Variants in NEB observed in about 807,000 individuals in gnomAD.
The protein encoded by NEB is nemaline myopathy type 2.
Under a neutral mutation model 952.2 loss-of-function variants are expected in NEB, and 512 were observed. That is an observed-to-expected ratio of 0.54 (90% CI 0.50 to 0.58). The LOEUF is 0.58. Among genes scored for constraint, NEB ranks in the 20% least tolerant of loss-of-function variants. NEB has a pLI of 0.00. For synonymous variants in NEB, 2,900 were observed against 3,149.8 expected (o/e 0.92, Z 2.66); for missense variants, 8,428 against 9,231.1 (o/e 0.91, Z 3.56).
At chr2:151,626,136 CAG>C (rs1232225792) in intron 70 of NEB, among the ~76,000 whole-genome samples, 1 of 147,742 alleles carries the variant, frequency 6.8e-6, no homozygotes, top group Non-Finnish European at 1.5e-5. Flanking sequence ...TTTTATGAGA[CAG>C]AGTTTCACTC....
At position 151,696,720 on chromosome 2, in the gene NEB, G is replaced by A; in HGVS notation, c.1486C>T (p.His496Tyr). The change falls in exon 17 of 182, where the codon CAT becomes TAT. Residue 496 changes from histidine to tyrosine, a missense_variant. His to Tyr is a moderately conservative substitution (Grantham distance 83). Around this residue, in one of 11 missense-constraint regions of NEB, gnomAD observed 2,851 missense variants for 2,791.5 expected, o/e 1.02. Transcript: ENST00000397345. ...TGGGTGAATTTTGTCTTATCTGGAT[G>A]GACTTTGTAGGTGTGCTGTGGGGAA... ...DQCKDHTYKVHPDKTKFTQVT... is the reference protein window; with the variant it reads ...DQCKDHTYKVYPDKTKFTQVT... 6.2e-7 allele frequency: 1 copy of A among 1,613,678 alleles called. No homozygotes were observed. Among genetic ancestry groups the A allele is most frequent in the Non-Finnish European group, 8.5e-7 (1 of 1,179,682 alleles).
At chr2:151,709,609 T>G (rs778475738) in intron 12 of NEB, 47 bp downstream of exon 12, 1 of 1,426,280 alleles carries the variant, frequency 7.0e-7, no homozygotes, top group South Asian at 1.3e-5. Context: ...TATAAGAAAT[T>G]TACCCACACT....
intron 124 of NEB, among the ~76,000 whole-genome samples, chr2:151,555,259 A>C (rs748254970): frequency 1.3e-5 from 2 of 152,342 alleles, no homozygotes; most frequent in South Asian, 4.1e-4. Flanking sequence ...GACTGTATCA[A>C]AAGTACTTTT....
At chr2:151,663,102 C>G (rs1013810728) in intron 45 of NEB, among the ~76,000 whole-genome samples, 3 of 152,298 alleles carry the variant, frequency 2.0e-5, no homozygotes, top group Admixed American at 1.3e-4. Context: ...ATCACCTTCT[C>G]AAAATTTCAT....
rs1220842205 is a variant in NEB, at chr2:151,644,449, A to G, written c.7644+19T>C. The G allele has an allele frequency of 6.3e-7, 1 of 1,584,932 alleles. No individual in the cohort carries two copies. The stretch of plus-strand genomic sequence containing the variant: ...ATAAATTGCAATCAAATCAATATCA[A>G]CAGAGGATAAAATCTTACTTCACTG... On this transcript the variant is annotated intron_variant, in intron 56 of 181. Transcript: ENST00000397345.
chr2:151,495,102 C>CAACA, intron 173 of NEB: 1 of 152,334 alleles, frequency 6.6e-6, no homozygotes, highest in Admixed American at 6.5e-5. Context: ...TAGTTTCATA[C>CAACA]AACATTCAGC....
At chr2:151,621,056 T>A in intron 71 of NEB, 30 bp from the exon 72 acceptor site, 2 of 1,530,812 alleles carry the variant, frequency 1.3e-6, no homozygotes, top group Non-Finnish European at 1.8e-6. Flanking sequence ...CTTTTAAATA[T>A]AGAATTCACA....
intron 36 of NEB, 47 bp downstream of exon 36, chr2:151,674,430 T>C (rs2099342005): frequency 8.4e-6 from 12 of 1,436,130 alleles, no homozygotes; most frequent in Admixed American, 1.7e-5. Flanking sequence ...ATTTGATTAC[T>C]TTTCAAAAAG....
chr2:151,717,514 A>G lies in NEB; in HGVS notation c.724T>C (p.Tyr242His), dbSNP rs773630482. The G allele has an allele frequency of 6.2e-7, 1 of 1,610,650 alleles. No homozygotes were observed. Among genetic ancestry groups the G allele is most frequent in the Admixed American group, 1.7e-5 (1 of 59,996 alleles). Residue 242 changes from tyrosine to histidine, a missense_variant, in exon 10 of 182, where the codon TAC becomes CAC. Tyr to His is a moderately conservative substitution (Grantham distance 83). This residue lies in a region of NEB where 2,851 missense variants were observed against 2,791.5 expected (regional missense o/e 1.02). Transcript: ENST00000397345. Reference sequence around the variant, plus strand: ...TGCTGTTCAGCGAGACCTTTTTTGTAGGCAACCTGATGAAATAAAAGACAG... The same window carrying G: ...TGCTGTTCAGCGAGACCTTTTTTGTGGGCAACCTGATGAAATAAAAGACAG... ...QAQKALSDVA[Y>H]KKGLAEQQAQ...
intron 9 of NEB, among the ~76,000 whole-genome samples, chr2:151,717,923 G>A (rs1394366464): frequency 2.1e-5 from 3 of 145,316 alleles, no homozygotes; most frequent in Non-Finnish European, 4.5e-5. Flanking sequence ...GCGCGATCTC[G>A]GCTCACTGCA....
intron 71 of NEB, among the ~76,000 whole-genome samples, chr2:151,624,015 G>A (rs1254032737): frequency 6.6e-6 from 1 of 152,112 alleles, no homozygotes; most frequent in Non-Finnish European, 1.5e-5. Flanking sequence ...GAGAATTTAA[G>A]AGGAAAAAAA....
chr2:151,669,205 T>C (rs1180082811), intron 38 of NEB, 74 bp from the exon 39 acceptor site: 3 of 1,039,624 alleles, frequency 2.9e-6, no homozygotes, highest in African/African-American at 1.6e-5. Flanking sequence ...GAGACTCCTT[T>C]AAAACGGAAG....
intron 10 of NEB, among the ~76,000 whole-genome samples, chr2:151,716,660 T>C (rs1276430642): frequency 1.3e-5 from 2 of 152,142 alleles, no homozygotes; most frequent in African/African-American, 4.8e-5. Flanking sequence ...TATCATTTCA[T>C]CATTCTTCTC....
intron 34 of NEB, among the ~76,000 whole-genome samples, chr2:151,676,172 C>T (rs1027885614): frequency 7.9e-5 from 12 of 152,192 alleles, no homozygotes; most frequent in Non-Finnish European, 1.6e-4. Flanking sequence ...TAAAATCTGA[C>T]ATGGCTAATA....
At chr2:151,540,221 G>T (rs2093855931) in intron 138 of NEB, 123 bp downstream of exon 138, 2 of 514,568 alleles carry the variant, frequency 3.9e-6, no homozygotes, top group Non-Finnish European at 6.5e-6. Flanking sequence ...TTAAAAAAAT[G>T]TGTGTTTTTT....
At chr2:151,525,895 T>A (rs1369865237) in intron 150 of NEB, 63 bp downstream of exon 150, 1 of 1,281,088 alleles carries the variant, frequency 7.8e-7, no homozygotes, top group Non-Finnish European at 1.1e-6. Context: ...CTGACATTAT[T>A]TCACCAGATT....
rs371015050 is a variant in NEB, at chr2:151,724,872, C to A, written c.492G>T (p.Ser164=). The change falls in exon 7 of 182, where the codon TCG becomes TCT. Residue 164 remains serine (S), a synonymous_variant. Coordinates refer to ENST00000397345, the MANE Select transcript of NEB (RefSeq NM_001164508.2). The part of the protein sequence containing the change: ...AKDIEHAKKV[S]QQVSKVLYKQ... ...ATTGCCTTACCTTACTGACTTGCTG[C>A]GACACTTTCTTTGCATGTTCAATAT... is the stretch of plus-strand genomic sequence containing the variant. 5.6e-6 allele frequency: 9 copies of A among 1,613,178 alleles called. No homozygotes were observed. Among genetic ancestry groups the A allele is most frequent in the East Asian group, 2.2e-5 (1 of 44,900 alleles).
chr2:151,609,370 G>A (rs1334075450), intron 81 of NEB, among the ~76,000 whole-genome samples: 2 of 151,962 alleles, frequency 1.3e-5, no homozygotes, highest in Non-Finnish European at 2.9e-5. Context: ...GAAGTCACTT[G>A]TAAAAACATA....
intron 10 of NEB, among the ~76,000 whole-genome samples, chr2:151,710,953 A>G (rs1292512299): frequency 6.6e-6 from 1 of 152,228 alleles, no homozygotes; most frequent in African/African-American, 2.4e-5. Flanking sequence ...AGTTTTCCAG[A>G]AAGAAACAAC....
Sources: allele counts gnomAD v4.1 joint callset (sites outside exome capture counted in the v4.1 genomes callset), GRCh38; gene constraint gnomAD v4.1.1; regional missense constraint gnomAD v4.1.1; transcripts MANE v1.5; gene names NCBI Gene and HGNC (gene_info 2026-07-23, HGNC 2026-07-21).